Variants in DEUP1 observed in about 807,000 individuals in gnomAD.
DEUP1 encodes the protein coiled-coil domain containing 67.
A neutral mutation model predicts 87.4 loss-of-function variants in DEUP1; 82 were observed. That is an observed-to-expected ratio of 0.94 (90% CI 0.78 to 1.13). The LOEUF is 1.13. DEUP1 is among the 50% of genes most tolerant of loss of function. DEUP1 has a pLI of 0.00. For missense variants in DEUP1, 663 were observed against 681.5 expected (o/e 0.97, Z 0.30); for synonymous variants, 214 against 222.7 (o/e 0.96, Z 0.35).
At chr11:93,418,433 GCTCA>G (rs1947727271) in intron 13 of DEUP1, among the ~76,000 whole-genome samples, 2 of 152,254 alleles carry the variant, frequency 1.3e-5, no homozygotes, top group Admixed American at 6.5e-5. Flanking sequence ...ATGAAAAAAT[GCTCA>G]CTATCACTGG....
At chr11:93,435,778 C>T (rs1401403084) in intron 13 of DEUP1, among the ~76,000 whole-genome samples, 2 of 152,084 alleles carry the variant, frequency 1.3e-5, no homozygotes, top group South Asian at 2.1e-4. Flanking sequence ...GGGCAGATCA[C>T]GAGGTCAGGA....
intron 11 of DEUP1, among the ~76,000 whole-genome samples, chr11:93,407,151 A>G (rs919978465): frequency 6.6e-6 from 1 of 152,114 alleles, no homozygotes; most frequent in Non-Finnish European, 1.5e-5. Flanking sequence ...GACTCTAGCT[A>G]AAGAAATATA....
intron 2 of DEUP1, among the ~76,000 whole-genome samples, chr11:93,348,336 T>C (rs1364945775): frequency 6.6e-6 from 1 of 152,192 alleles, no homozygotes. Context: ...TCTGTCTTCT[T>C]CAATTCAGCT....
chr11:93,431,256 G>GCTGT (rs1948098922), intron 13 of DEUP1, among the ~76,000 whole-genome samples: 1 of 152,118 alleles, frequency 6.6e-6, no homozygotes, highest in Admixed American at 6.5e-5. Flanking sequence ...GAAATTTAAG[G>GCTGT]TGAAACCCAA....
intron 8 of DEUP1, among the ~76,000 whole-genome samples, chr11:93,386,404 G>C (rs1946559701): frequency 6.6e-6 from 1 of 152,130 alleles, no homozygotes; most frequent in Non-Finnish European, 1.5e-5. Flanking sequence ...TAGACAGTTT[G>C]ACTGCTTTAA....
chr11:93,357,686 T>G (rs1184979017), intron 4 of DEUP1, among the ~76,000 whole-genome samples: 1 of 152,162 alleles, frequency 6.6e-6, no homozygotes, highest in Admixed American at 6.5e-5. Flanking sequence ...AATGAATCAA[T>G]GGGAAATATG....
At chr11:93,330,582 A>G (rs1943417323), upstream of DEUP1, 2 of 152,128 alleles carry the variant, frequency 1.3e-5, no homozygotes, top group African/African-American at 4.8e-5. Context: ...CCATGGCAAC[A>G]CGCGGCGGCG....
chr11:93,432,890 G>A (rs1006850134), intron 13 of DEUP1, among the ~76,000 whole-genome samples: 1 of 152,198 alleles, frequency 6.6e-6, no homozygotes, highest in Non-Finnish European at 1.5e-5. Context: ...ATTGATGATA[G>A]TGTCAAGGAC....
At chr11:93,369,271 T>C (rs1945584887) in intron 5 of DEUP1, among the ~76,000 whole-genome samples, 1 of 152,146 alleles carries the variant, frequency 6.6e-6, no homozygotes, top group Non-Finnish European at 1.5e-5. Context: ...ATGCTGTCAC[T>C]TTGGGGTTTA....
At chr11:93,368,456 G>T (rs927805966) in intron 5 of DEUP1, among the ~76,000 whole-genome samples, 5 of 152,350 alleles carry the variant, frequency 3.3e-5, no homozygotes, top group Admixed American at 6.5e-5. Context: ...TGTACAGGAG[G>T]CATGGTTGGG....
At chr11:93,377,998 T>A (rs925296278) in intron 7 of DEUP1, among the ~76,000 whole-genome samples, 1 of 150,838 alleles carries the variant, frequency 6.6e-6, no homozygotes, top group Non-Finnish European at 1.5e-5. Context: ...GTTTTTTTTT[T>A]AATAGGTTAC....
chr11:93,418,767 G>T (rs1947747171), intron 13 of DEUP1, among the ~76,000 whole-genome samples: 1 of 151,834 alleles, frequency 6.6e-6, no homozygotes, highest in African/African-American at 2.4e-5. Context: ...CAATAGCAAA[G>T]ACTTGGAACC....
At chr11:93,389,182 AGGGAGTT>A in intron 9 of DEUP1, 57 bp downstream of exon 9, 1 of 959,228 alleles carries the variant, frequency 1.0e-6, no homozygotes. Context: ...TTACATACAA[AGGGAGTT>A]AAAAAAAAAT....
chr11:93,398,679 T>C (rs2134380729), intron 11 of DEUP1, among the ~76,000 whole-genome samples: 1 of 152,236 alleles, frequency 6.6e-6, no homozygotes, highest in East Asian at 1.9e-4. Flanking sequence ...GATATATCCT[T>C]TGCCCATTTT....
In DEUP1 at chr11:93,428,793, G is replaced by A. The variant is rs190418380; in HGVS notation, c.1639-8750G>A. ...CCTGGTCATAGGCAATCATTAACCT[G>A]TTTTTATATATAAGCCTTTTATTAA... On this transcript the variant is annotated intron_variant, in intron 13 of 13. Coordinates refer to ENST00000298050, the MANE Select transcript of DEUP1 (RefSeq NM_181645.4). Among the ~76,000 whole-genome samples the A allele has an allele frequency of 6.0e-3, 916 of 152,146 alleles. 9 individuals are homozygous for A. The highest frequency in any genetic ancestry group is 0.02 in the African/African-American group (820 of 41,536).
intron 7 of DEUP1, among the ~76,000 whole-genome samples, chr11:93,377,497 G>A (rs1172038375): frequency 2.0e-5 from 3 of 151,992 alleles, no homozygotes; most frequent in South Asian, 2.1e-4. Flanking sequence ...CCTTAAGTTT[G>A]TGTGAGTCCT....
At chr11:93,335,853 G>A (rs1943733527) in intron 2 of DEUP1, among the ~76,000 whole-genome samples, 1 of 152,140 alleles carries the variant, frequency 6.6e-6, no homozygotes, top group Non-Finnish European at 1.5e-5. Context: ...AGTGGCTGAC[G>A]CCTGTAATCC....
intron 4 of DEUP1, among the ~76,000 whole-genome samples, chr11:93,360,054 G>A (rs1334455017): frequency 6.6e-6 from 1 of 152,114 alleles, no homozygotes; most frequent in African/African-American, 2.4e-5. Context: ...CTGTTGAGGA[G>A]TCACCACTGC....
chr11:93,362,839 T>A (rs367914673), intron 4 of DEUP1, among the ~76,000 whole-genome samples: 16 of 151,904 alleles, frequency 1.1e-4, no homozygotes, highest in Non-Finnish European at 1.9e-4. Flanking sequence ...ATGTAGTGTA[T>A]TTATGCAATG....
Sources: gnomAD v4.1 joint callset for allele counts (sites outside exome capture counted in the v4.1 genomes callset) on GRCh38, gnomAD v4.1.1 for gene constraint, MANE v1.5 for transcripts, NCBI Gene and HGNC (gene_info 2026-07-23, HGNC 2026-07-21) for gene names.